The following JADE1 variants were observed in gnomAD, a reference collection of about 807,000 sequenced individuals.
The protein encoded by JADE1 is protein Jade-1.
JADE1 carries 14 observed loss-of-function variants against 81.8 expected under a neutral mutation model. That is an observed-to-expected ratio of 0.17 (90% CI 0.11 to 0.27). JADE1 has a LOEUF of 0.27. Ranked by LOEUF, JADE1 falls within the 10% of genes least tolerant of loss-of-function variation. The probability of loss-of-function intolerance (pLI) is 1.00; values close to 1 mark genes in which losing one functional copy is unlikely to be tolerated. For missense variants in JADE1, 690 were observed against 1,047.9 expected (o/e 0.66, Z 4.71); for synonymous variants, 353 against 391.9 (o/e 0.90, Z 1.17).
At chr4:128,822,829 A>G (rs947452539) in intron 1 of JADE1, among the ~76,000 whole-genome samples, 3 of 152,256 alleles carry the variant, frequency 2.0e-5, no homozygotes, top group South Asian at 2.1e-4. Context: ...GATGACCACT[A>G]TGAACATTTA....
chr4:128,841,224 G>A (rs1240539885), intron 2 of JADE1, among the ~76,000 whole-genome samples: 2 of 152,176 alleles, frequency 1.3e-5, no homozygotes, highest in African/African-American at 4.8e-5. Context: ...GGTACAGTAG[G>A]TGTTCAGGAT....
intron 5 of JADE1, among the ~76,000 whole-genome samples, chr4:128,851,313 C>T (rs1445635228): frequency 2.6e-5 from 4 of 152,064 alleles, no homozygotes; most frequent in East Asian, 1.9e-4. Flanking sequence ...TATTTGAGTG[C>T]CCAAAGTGAA....
intron 2 of JADE1, among the ~76,000 whole-genome samples, chr4:128,842,590 A>G (rs1435151024): frequency 6.6e-6 from 1 of 151,886 alleles, no homozygotes; most frequent in African/African-American, 2.4e-5. Context: ...GTGAGCCGCC[A>G]CCCCTGGCCT....
chr4:128,852,595 T>G (rs950204771), intron 6 of JADE1, among the ~76,000 whole-genome samples: 1 of 152,156 alleles, frequency 6.6e-6, no homozygotes, highest in Admixed American at 6.5e-5. Context: ...AATTTAGGTA[T>G]TAAGAACACT....
chr4:128,862,551 C>T, intron 9 of JADE1: 9 of 1,154,732 alleles, frequency 7.8e-6, no homozygotes, highest in Non-Finnish European at 9.6e-6. Flanking sequence ...TGAATGAGCC[C>T]CAAGAAAATG....
At chr4:128,858,017 T>G (rs1050041570) in intron 8 of JADE1, among the ~76,000 whole-genome samples, 19 of 152,256 alleles carry the variant, frequency 1.2e-4, no homozygotes, top group Admixed American at 4.6e-4. Context: ...TGTGAGGAGT[T>G]CCTGTGTATG....
rs376504061 is a variant in JADE1 at position 128,831,861 on chromosome 4, A to T, written c.52+51A>T. 2.2e-5 allele frequency: 33 copies of T among 1,515,810 alleles called. No homozygotes were observed. The African/African-American group carries it at 4.3e-4, about 20-fold the overall frequency. The allele number at this position is 1,515,810 out of a possible 1,614,324, so 93.9% of individuals were successfully genotyped here. On this transcript the variant is annotated intron_variant, in intron 2 of 10. Transcript: ENST00000226319. The stretch of plus-strand genomic sequence containing the variant: ...AGCCTACCAGGGTTTGGGTCGGGGT[A>T]AAAACATGATTTTTTAATGTAATGC...
chr4:128,848,917 T>C, intron 4 of JADE1, 63 bp from the exon 5 acceptor site: 1 of 1,544,962 alleles, frequency 6.5e-7, no homozygotes, highest in South Asian at 1.1e-5. Flanking sequence ...TGGGGCCTTG[T>C]GGCACACTTC....
chr4:128,855,606 C>T (rs1230397576), intron 6 of JADE1, 24 bp from the exon 7 acceptor site: 9 of 1,587,640 alleles, frequency 5.7e-6, no homozygotes, highest in Non-Finnish European at 7.7e-6. Context: ...CTCTATTCCT[C>T]TGGGATGTGC....
At position 128,871,639 on chromosome 4, in the gene JADE1, A is replaced by G. The variant is rs1246091700; in HGVS notation, c.1906A>G (p.Thr636Ala). 1 of 1,614,204 alleles carries G rather than the reference A, an allele frequency of 6.2e-7. No individual in the cohort carries two copies. The highest frequency in any genetic ancestry group is 8.5e-7 in the Non-Finnish European group (1 of 1,180,032). ...AGAGAGCTTTTTGGGTTTAGAAAAG[A>G]CCTTTGCAGAAGCACGTCTCATATC... ...VPESFLGLEK[T>A]FAEARLISAQ... Residue 636 changes from threonine to alanine, a missense_variant, in exon 11 of 11, where the codon ACC (threonine) becomes GCC (alanine). Transcript: ENST00000226319. This position sits in a 1 kb window ranked among gnomAD's most constrained non-coding sequence, Gnocchi z 4.1.
rs769862559 is a variant in JADE1 at position 128,872,089 on chromosome 4, GC to G, written c.2358del (p.Lys787ArgfsTer8). 6.2e-7 allele frequency: 1 copy of G among 1,614,136 alleles called. No homozygotes were observed. Among genetic ancestry groups the G allele is most frequent in the Non-Finnish European group, 8.5e-7 (1 of 1,180,018 alleles). The stretch of plus-strand genomic sequence containing the variant: ...ATATTTGGGCTTAGGCCGAGTTCCA[GC>G]CAAGGAAAGGGCAAAAAGCAAATTA... ...YPYLGLGRVP[A>X]KERAKSKLKS... On this transcript the variant is annotated frameshift_variant, in exon 11 of 11. Coordinates refer to ENST00000226319, the MANE Select transcript of JADE1 (RefSeq NM_199320.4). LOFTEE classifies it high-confidence loss of function.
At position 128,871,688 on chromosome 4, in the gene JADE1, T is replaced by A. The variant is rs1019990208; in HGVS notation, c.1955T>A (p.Val652Glu). 6.2e-7 allele frequency: 1 copy of A among 1,614,072 alleles called. No individual in the cohort carries two copies. Residue 652 changes from valine (V) to glutamate (E), a missense_variant, in exon 11 of 11, where the codon GTG (valine) becomes GAG (glutamate). Transcript: ENST00000226319. The surrounding 1 kb of genome is among the most constrained non-coding windows in gnomAD (Gnocchi z 4.1). ...TCAGCACAACAGAAAAATGGTGTGG[T>A]GATGCCAGACCATGGGAAAAGAAGA... ...LISAQQKNGV[V>E]MPDHGKRRDN... is the part of the protein sequence containing the mutation.
chr4:128,846,630 A>G lies in JADE1; in HGVS notation c.296+98A>G. 7.8e-7 allele frequency: 1 copy of G among 1,289,554 alleles called. No homozygotes were observed. The allele number at this position is 1,289,554 out of a possible 1,614,324, so 79.9% of individuals were successfully genotyped here. ...AGAGACAATTTCTGTGGGAAGAGAC[A>G]GTTTCTGAGTTAGCATTAAAATATC... On this transcript the variant is annotated intron_variant, in intron 4 of 10. Transcript: ENST00000226319. The surrounding 1 kb of genome is among the most constrained non-coding windows in gnomAD (Gnocchi z 4.0).
At chr4:128,853,869 A>T (rs1332870587) in intron 6 of JADE1, among the ~76,000 whole-genome samples, 1 of 152,010 alleles carries the variant, frequency 6.6e-6, no homozygotes, top group African/African-American at 2.4e-5. Context: ...TGGCTCCTTG[A>T]TAGGGAGACC....
chr4:128,835,970 T>C (rs565586349), intron 2 of JADE1, among the ~76,000 whole-genome samples: 5 of 152,086 alleles, frequency 3.3e-5, no homozygotes, highest in Non-Finnish European at 5.9e-5. Context: ...AGCCCTGCAG[T>C]TGGATGGAAT....
At position 128,849,136 on chromosome 4, in the gene JADE1, G is replaced by A. The variant is rs755869740; in HGVS notation, c.453G>A (p.Leu151=). 2 of 1,612,648 alleles carry A rather than the reference G, an allele frequency of 1.2e-6. No individual in the cohort carries two copies. The highest frequency in any genetic ancestry group is 2.7e-5 in the African/African-American group (2 of 74,886). ...TCAATGACATGGATGCTGCATGGCT[G>A]GAACTGACCAATGAAGAATTTAAGG... is the stretch of plus-strand genomic sequence containing the variant. The part of the protein sequence containing the change: ...YDLNDMDAAW[L]ELTNEEFKEM... The change falls in exon 5 of 11, where the codon CTG becomes CTA. Residue 151 remains leucine, a synonymous_variant. Transcript: ENST00000226319.
intron 1 of JADE1, among the ~76,000 whole-genome samples, chr4:128,818,321 A>G (rs181978632): frequency 3.0e-4 from 45 of 152,076 alleles, no homozygotes; most frequent in African/African-American, 8.2e-4. Flanking sequence ...AGGTTTCACC[A>G]TGTTGGCCAG....
Position 128,873,246 on chromosome 4 carries a change from TAAGAAA to T in JADE1, c.*988_*993del, listed in dbSNP as rs1732321963. 4.5e-5 allele frequency: 2 copies of T among 44,448 alleles called. No homozygotes were observed. The highest frequency in any genetic ancestry group is 3.2e-4 in the Admixed American group (1 of 3,088). The allele number at this position is 44,448 out of a possible 1,614,324, so 2.8% of individuals were successfully genotyped here. On this transcript the variant is annotated 3_prime_UTR_variant, in exon 11 of 11. Transcript: ENST00000226319. ...GGGCTTCCAACATGAATGGATTCCT[TAAGAAA>T]AAGGAAAAAAAAAAAAAAAAGAAAA...
intron 1 of JADE1, among the ~76,000 whole-genome samples, chr4:128,816,789 A>G (rs922080071): frequency 2.6e-5 from 4 of 152,180 alleles, no homozygotes; most frequent in African/African-American, 9.7e-5. Flanking sequence ...GGTAGGACAT[A>G]ATGTGATAGA....
Sources: gnomAD v4.1 joint callset for allele counts (sites outside exome capture counted in the v4.1 genomes callset) on GRCh38, gnomAD v4.1.1 for gene constraint, Gnocchi (gnomAD v3.1) non-coding constraint, MANE v1.5 for transcripts, NCBI Gene and HGNC (gene_info 2026-07-23, HGNC 2026-07-21) for gene names.